ETFA: variants seen among roughly 807,000 people sequenced by gnomAD.
The protein encoded by ETFA is electron transfer flavoprotein subunit alpha.
A neutral mutation model predicts 46.2 loss-of-function variants in ETFA; 22 were observed. The observed-to-expected ratio is 0.48, with a 90% CI of 0.34 to 0.68. The LOEUF (loss-of-function observed/expected upper bound fraction) is 0.68. Ranked by LOEUF, ETFA falls within the 30% of genes least tolerant of loss-of-function variation. ETFA has a pLI of 0.01. For missense variants in ETFA, 345 were observed against 401.1 expected, an observed-to-expected ratio of 0.86 and a Z score of 1.19; for synonymous variants, 131 against 139.9, an observed-to-expected ratio of 0.94 and a Z score of 0.45.
intron 4 of ETFA, among the ~76,000 whole-genome samples, chr15:76,291,433 A>C (rs1267350760): frequency 7.2e-6 from 1 of 137,946 alleles, no homozygotes; most frequent in South Asian, 2.5e-4. Context: ...CGAGGAAAGT[A>C]AGACTCCATC....
At chr15:76,236,079 AAAGT>A (rs1336501208) in intron 9 of ETFA, among the ~76,000 whole-genome samples, 1 of 152,220 alleles carries the variant, frequency 6.6e-6, no homozygotes, top group African/African-American at 2.4e-5. Context: ...CTTTCTTCAG[AAAGT>A]AAGTATATAC....
chr15:76,225,262 A>T (rs2038992773), intron 11 of ETFA, among the ~76,000 whole-genome samples: 2 of 152,120 alleles, frequency 1.3e-5, no homozygotes, highest in South Asian at 2.1e-4. Context: ...AGCACATGAG[A>T]TGCCAAAAAC....
rs1239955378 is a variant in ETFA at position 76,286,468 on chromosome 15, A to T, written c.465T>A (p.Cys155Ter). 6.2e-7 allele frequency: 1 copy of T among 1,608,798 alleles called. No homozygotes were observed. The highest frequency in any genetic ancestry group is 8.5e-7 in the Non-Finnish European group (1 of 1,175,284). ...TCACTTTCTCATCACACTTCACTGTACATAGAGCATTTCCTGAAACATACA... is the reference window on the plus strand; with the variant it reads ...TCACTTTCTCATCACACTTCACTGTTCATAGAGCATTTCCTGAAACATACA... ...VRTIYAGNALCTVKCDEKVKV... is the reference protein window; with the variant it reads ...VRTIYAGNAL The change falls in exon 6 of 12, where the codon TGT (cysteine) becomes TGA (stop). Residue 155 changes from cysteine (C) to a stop codon, truncating the protein, a stop_gained. Coordinates refer to ENST00000557943, the MANE Select transcript of ETFA (RefSeq NM_000126.4). LOFTEE classifies it high-confidence loss of function.
At chr15:76,261,600 G>T in intron 9 of ETFA, 1 of 482,642 alleles carries the variant, frequency 2.1e-6, no homozygotes, top group Non-Finnish European at 3.8e-6. Context: ...TCTGGGAGCA[G>T]CAGAGAAGTC....
At chr15:76,307,880 T>A (rs2039953339) in intron 1 of ETFA, among the ~76,000 whole-genome samples, 1 of 152,190 alleles carries the variant, frequency 6.6e-6, no homozygotes, top group Admixed American at 6.5e-5. Context: ...TTTATTTTTT[T>A]AAATATGGTT....
chr15:76,311,080 A>C (rs868372033), intron 1 of ETFA, among the ~76,000 whole-genome samples: 5 of 152,298 alleles, frequency 3.3e-5, no homozygotes, highest in South Asian at 2.1e-4. Context: ...CAGGGCAGAG[A>C]GTGGGCCAGA....
intron 2 of ETFA, among the ~76,000 whole-genome samples, chr15:76,293,565 CA>C (rs2039788267): frequency 6.6e-6 from 1 of 152,170 alleles, no homozygotes. Flanking sequence ...ATTCAGAAGG[CA>C]ATTAGATTTC....
In ETFA at chr15:76,311,415, C is replaced by A; in HGVS notation, c.-27G>T. On this transcript the variant is annotated 5_prime_UTR_variant, in exon 1 of 12. Transcript: ENST00000557943. ...GTCTCCGCTTCCGCCGCAACCTCGG[C>A]CTTACAGCAGCCCCGTGCCCGGCCA... The A allele has an allele frequency of 6.4e-7, 1 of 1,552,590 alleles. No individual in the cohort carries two copies. Among genetic ancestry groups the A allele is most frequent in the Non-Finnish European group, 8.7e-7 (1 of 1,149,922 alleles).
At chr15:76,306,292 A>C in intron 1 of ETFA, among the ~76,000 whole-genome samples, 1 of 69,648 alleles carries the variant, frequency 1.4e-5, no homozygotes, top group African/African-American at 4.8e-5. Flanking sequence ...TTTGAGACAG[A>C]GTCTCGCTCA....
intron 1 of ETFA, among the ~76,000 whole-genome samples, chr15:76,307,784 C>G (rs1295406602): frequency 6.6e-6 from 1 of 152,042 alleles, no homozygotes; most frequent in Non-Finnish European, 1.5e-5. Context: ...ATGGTTGGCC[C>G]CATCTTAACC....
chr15:76,309,437 C>G (rs1004318453), intron 1 of ETFA, among the ~76,000 whole-genome samples: 1 of 152,070 alleles, frequency 6.6e-6, no homozygotes, highest in Non-Finnish European at 1.5e-5. Flanking sequence ...GGCGACAGAG[C>G]GAGACTCCGT....
intron 9 of ETFA, among the ~76,000 whole-genome samples, chr15:76,271,653 TG>T (rs2039532601): frequency 6.6e-6 from 1 of 152,232 alleles, no homozygotes; most frequent in Non-Finnish European, 1.5e-5. Context: ...GATGGTATTA[TG>T]TATCAATGTT....
chr15:76,283,000 A>G (rs1474194382), intron 8 of ETFA, among the ~76,000 whole-genome samples: 3 of 152,062 alleles, frequency 2.0e-5, no homozygotes, highest in African/African-American at 7.2e-5. Context: ...CTTCTCATCA[A>G]TGTACTTTTA....
At chr15:76,270,466 T>G (rs1225443147) in intron 9 of ETFA, among the ~76,000 whole-genome samples, 1 of 152,200 alleles carries the variant, frequency 6.6e-6, no homozygotes, top group Admixed American at 6.5e-5. Flanking sequence ...GGTAAATATA[T>G]ATATGCATAT....
intron 9 of ETFA, among the ~76,000 whole-genome samples, chr15:76,243,310 C>T (rs1421294492): frequency 2.6e-5 from 4 of 151,254 alleles, no homozygotes; most frequent in African/African-American, 4.9e-5. Flanking sequence ...ATCGTTAAAA[C>T]GGCAAATTTT....
intron 1 of ETFA, among the ~76,000 whole-genome samples, chr15:76,299,008 T>C (rs1173078029): frequency 6.6e-6 from 1 of 152,268 alleles, no homozygotes; most frequent in Non-Finnish European, 1.5e-5. Context: ...TCAATCCTCT[T>C]TTAACAATAG....
At chr15:76,232,660 ATT>A (rs1328082562) in intron 9 of ETFA, among the ~76,000 whole-genome samples, 2 of 152,198 alleles carry the variant, frequency 1.3e-5, no homozygotes. Context: ...AAATAATGTT[ATT>A]ACCTCCTAAT....
chr15:76,295,933 A>ATAATTTTTTTTTTTTTTTTTTTT (rs2039815491), intron 1 of ETFA, among the ~76,000 whole-genome samples, 196 bp from the exon 2 acceptor site: 1 of 58,512 alleles, frequency 1.7e-5, no homozygotes, highest in Non-Finnish European at 4.0e-5. Context: ...TACCACTAAT[A>ATAATTTTTTTTTTTTTTTTTTTT]TTCTTTTTTT....
At chr15:76,254,198 G>A (rs115618276) in intron 9 of ETFA, among the ~76,000 whole-genome samples, 1 of 152,224 alleles carries the variant, frequency 6.6e-6, no homozygotes, top group African/African-American at 2.4e-5. Flanking sequence ...ACAAAAGACA[G>A]TATTCGTGAC....
Sources: allele counts gnomAD v4.1 joint callset (sites outside exome capture counted in the v4.1 genomes callset), GRCh38; gene constraint gnomAD v4.1.1; transcripts MANE v1.5; gene names NCBI Gene and HGNC (gene_info 2026-07-23, HGNC 2026-07-21).